NDFIP2: variants seen among roughly 807,000 people sequenced by gnomAD.
NDFIP2 encodes the protein NEDD4 family-interacting protein 2.
In NDFIP2, 19 loss-of-function variants were observed where a neutral mutation model predicts 36.0. The ratio of observed to expected loss-of-function variants is 0.53; its 90% CI spans 0.37 to 0.77. The LOEUF is 0.77. Among genes scored for constraint, NDFIP2 ranks in the 30% least tolerant of loss-of-function variants. NDFIP2 has a pLI of 0.00. For synonymous variants in NDFIP2, 181 were observed against 167.7 expected (o/e 1.08, Z -0.61); for missense variants, 446 against 435.8 (o/e 1.02, Z -0.21).
At position 79,481,238 on chromosome 13, in the gene NDFIP2, G is replaced by C; in HGVS notation, c.35G>C (p.Ser12Thr). The C allele has an allele frequency of 6.6e-7, 1 of 1,523,954 alleles. No individual in the cohort carries two copies. Among genetic ancestry groups the C allele is most frequent in the East Asian group, 2.5e-5 (1 of 39,794 alleles). 94.4% of individuals were successfully genotyped at this position (1,523,954 alleles called of 1,614,324 possible). ...ARRRSQRVCASGPSMLNSARG... is the reference protein window; with the variant it reads ...ARRRSQRVCATGPSMLNSARG... ...CGGCGGAGCCAGCGAGTCTGCGCGA[G>C]CGGTCCGAGCATGCTCAATAGCGCG... The change falls in exon 1 of 8, where the codon AGC becomes ACC. Residue 12 changes from serine (S) to threonine (T), a missense_variant. By Grantham distance (58) the Ser-to-Thr change is moderately conservative. Coordinates refer to ENST00000218652, the MANE Select transcript of NDFIP2 (RefSeq NM_019080.3).
intron 5 of NDFIP2, among the ~76,000 whole-genome samples, chr13:79,545,886 C>A (rs1321632893): frequency 6.6e-6 from 1 of 152,140 alleles, no homozygotes; most frequent in Non-Finnish European, 1.5e-5. Flanking sequence ...TGGGCACATG[C>A]CTCCACGCCT....
At chr13:79,537,517 A>T (rs989808055) in intron 3 of NDFIP2, among the ~76,000 whole-genome samples, 1 of 152,242 alleles carries the variant, frequency 6.6e-6, no homozygotes, top group Admixed American at 6.5e-5. Flanking sequence ...TTAATTTGAA[A>T]TTATTTAAAA....
chr13:79,544,831 C>T (rs1656906916), intron 5 of NDFIP2, among the ~76,000 whole-genome samples: 2 of 152,100 alleles, frequency 1.3e-5, no homozygotes, highest in South Asian at 4.1e-4. Context: ...TTATAGCTTT[C>T]CAGGGTTTCA....
At chr13:79,522,022 G>A (rs748161161) in intron 2 of NDFIP2, among the ~76,000 whole-genome samples, 178 of 152,042 alleles carry the variant, frequency 1.2e-3, no homozygotes, top group Non-Finnish European at 2.3e-3. Context: ...TAGAGACAGG[G>A]TTTCACCATG....
At position 79,481,278 on chromosome 13, in the gene NDFIP2, G is replaced by T; in HGVS notation, c.75G>T (p.Glu25Asp). The T allele has an allele frequency of 6.5e-7, 1 of 1,537,908 alleles. No homozygotes were observed. Among genetic ancestry groups the T allele is most frequent in the East Asian group, 2.4e-5 (1 of 40,872 alleles). Residue 25 changes from glutamate (E) to aspartate (D), a missense_variant, in exon 1 of 8, where the codon GAG becomes GAT. This residue lies in a region of NDFIP2 where 369 missense variants were observed against 304.8 expected (regional missense o/e 1.21). Transcript: ENST00000218652. ...SMLNSARGAP[E>D]LLRGTATNAE... ...TCAATAGCGCGCGCGGCGCCCCGGA[G>T]CTTCTCCGCGGAACCGCGACCAACG...
At position 79,533,358 on chromosome 13, in the gene NDFIP2, C is replaced by T. The variant is rs762939107; in HGVS notation, c.523C>T (p.Pro175Ser). The change falls in exon 3 of 8, where the codon CCT becomes TCT. Residue 175 changes from proline (P) to serine (S), a missense_variant. Physicochemically the swap from Pro to Ser is moderately conservative, Grantham distance 74. This residue lies in a region of NDFIP2 where 369 missense variants were observed against 304.8 expected (regional missense o/e 1.21). Coordinates refer to ENST00000218652, the MANE Select transcript of NDFIP2 (RefSeq NM_019080.3). The part of the protein sequence containing the change: ...EVYGEFYPVP[P>S]PYSVATSLPT... Reference sequence around the variant, plus strand: ...TTACGGTGAGTTTTATCCCGTGCCACCTCCCTATAGCGTTGCTACCTCTCT... The same window carrying T: ...TTACGGTGAGTTTTATCCCGTGCCATCTCCCTATAGCGTTGCTACCTCTCT... The T allele has an allele frequency of 6.2e-7, 1 of 1,609,310 alleles. No individual in the cohort carries two copies. Among genetic ancestry groups the T allele is most frequent in the Non-Finnish European group, 8.5e-7 (1 of 1,177,508 alleles).
chr13:79,484,929 G>A (rs922033886), intron 1 of NDFIP2, among the ~76,000 whole-genome samples: 1 of 152,124 alleles, frequency 6.6e-6, no homozygotes, highest in Non-Finnish European at 1.5e-5. Flanking sequence ...TAATACATGT[G>A]TAAAACATGT....
chr13:79,526,071 C>G (rs1023011374), intron 2 of NDFIP2, among the ~76,000 whole-genome samples: 3 of 152,142 alleles, frequency 2.0e-5, no homozygotes, highest in Non-Finnish European at 4.4e-5. Flanking sequence ...GCTGCTAAAA[C>G]TTCAGACAGG....
chr13:79,514,728 G>A (rs1455946853), intron 1 of NDFIP2, among the ~76,000 whole-genome samples: 1 of 152,154 alleles, frequency 6.6e-6, no homozygotes. Flanking sequence ...TTAGTGAGTG[G>A]TTATACAGTC....
intron 1 of NDFIP2, among the ~76,000 whole-genome samples, chr13:79,513,979 A>T (rs920089554): frequency 3.3e-5 from 5 of 152,206 alleles, no homozygotes; most frequent in African/African-American, 1.2e-4. Flanking sequence ...GTTGTATTCC[A>T]TGAGGGAATC....
chr13:79,510,801 C>T (rs918180007), intron 1 of NDFIP2, among the ~76,000 whole-genome samples: 5 of 151,900 alleles, frequency 3.3e-5, no homozygotes, highest in Non-Finnish European at 7.4e-5. Context: ...GAGTTCGAGA[C>T]CAGCCTGGCC....
At chr13:79,507,022 A>G (rs1469570485) in intron 1 of NDFIP2, among the ~76,000 whole-genome samples, 1 of 152,046 alleles carries the variant, frequency 6.6e-6, no homozygotes, top group Non-Finnish European at 1.5e-5. Flanking sequence ...TTTAGATGAG[A>G]TATGAAATCC....
chr13:79,540,058 A>G (rs918824119), intron 4 of NDFIP2, among the ~76,000 whole-genome samples: 7 of 152,232 alleles, frequency 4.6e-5, no homozygotes, highest in African/African-American at 1.7e-4. Context: ...AGATTTTTAA[A>G]GAGAAATACT....
intron 1 of NDFIP2, among the ~76,000 whole-genome samples, chr13:79,505,134 G>T (rs1371658782): frequency 6.6e-6 from 1 of 152,318 alleles, no homozygotes; most frequent in East Asian, 1.9e-4. Flanking sequence ...GCATCAGTGG[G>T]AGAAAACTGA....
At chr13:79,523,326 T>G (rs1874660243) in intron 2 of NDFIP2, among the ~76,000 whole-genome samples, 1 of 152,196 alleles carries the variant, frequency 6.6e-6, no homozygotes, top group Non-Finnish European at 1.5e-5. Context: ...GTTCAAGCGA[T>G]TCTCCTGCCT....
At chr13:79,543,342 A>G (rs972500462) in intron 4 of NDFIP2, among the ~76,000 whole-genome samples, 2 of 152,188 alleles carry the variant, frequency 1.3e-5, no homozygotes, top group Non-Finnish European at 2.9e-5. Flanking sequence ...TGTTGGCCAA[A>G]CTGACAAGAA....
chr13:79,526,977 T>A (rs6563117), intron 2 of NDFIP2, among the ~76,000 whole-genome samples: 10,203 of 152,236 alleles, frequency 0.067, 726 homozygotes, highest in African/African-American at 0.17. Flanking sequence ...CGAACTCAGA[T>A]GTATCTAATT....
At chr13:79,533,811 G>C (rs948814983) in intron 3 of NDFIP2, among the ~76,000 whole-genome samples, 3 of 152,176 alleles carry the variant, frequency 2.0e-5, no homozygotes, top group Non-Finnish European at 4.4e-5. Flanking sequence ...ACAATAGGCT[G>C]TGAGTCGTTA....
chr13:79,551,030 C>T lies in NDFIP2; in HGVS notation c.921C>T (p.Phe307=), dbSNP rs1432040755. The change falls in exon 7 of 8, where the codon TTC becomes TTT. Residue 307 remains phenylalanine, a synonymous_variant. Transcript: ENST00000218652. ...WIFLVLGLLL[F]FRGFVNYLKV... The stretch of plus-strand genomic sequence containing the variant: ...CAACCTTCTCAGGCCTGCTCCTTTT[C>T]TTCAGAGGATTTGTTAATTATCTAA... 6.3e-7 allele frequency: 1 copy of T among 1,597,766 alleles called. No individual in the cohort carries two copies. The highest frequency in any genetic ancestry group is 8.5e-7 in the Non-Finnish European group (1 of 1,171,376).
Sources: allele counts gnomAD v4.1 joint callset (sites outside exome capture counted in the v4.1 genomes callset), GRCh38; gene constraint gnomAD v4.1.1; regional missense constraint gnomAD v4.1.1; transcripts MANE v1.5; gene names NCBI Gene and HGNC (gene_info 2026-07-23, HGNC 2026-07-21).